The following DAB1 variants were observed in gnomAD, a reference collection of about 807,000 sequenced individuals.
DAB1 encodes disabled homolog 1.
A neutral mutation model predicts 64.6 loss-of-function variants in DAB1; 15 were observed. That is an observed-to-expected ratio of 0.23 (90% CI 0.16 to 0.36). DAB1 has a LOEUF of 0.36. DAB1 is among the 10% of genes least tolerant of loss of function. The pLI, the probability that DAB1 is intolerant of heterozygous loss-of-function variation, is 1.00. For synonymous variants in DAB1, 235 were observed against 251.9 expected, an observed-to-expected ratio of 0.93 and a Z score of 0.64; for missense variants, 596 against 706.7, an observed-to-expected ratio of 0.84 and a Z score of 1.78.
At chr1:57,157,199 G>C (rs1660306569) in intron 2 of DAB1, among the ~76,000 whole-genome samples, 1 of 152,086 alleles carries the variant, frequency 6.6e-6, no homozygotes. Flanking sequence ...GCACAGCCAA[G>C]ATAAGTATTT....
At chr1:57,205,161 T>C (rs1354270409) in intron 2 of DAB1, among the ~76,000 whole-genome samples, 1 of 152,188 alleles carries the variant, frequency 6.6e-6, no homozygotes, top group Non-Finnish European at 1.5e-5. Flanking sequence ...GGCCCATCTG[T>C]ACCCAACACA....
rs58167700 is a variant in DAB1 at position 57,606,376 on chromosome 1, C to CTATATATATATATA, written n.625+43202_625+43215dup. 2.3e-3 allele frequency among the ~76,000 whole-genome samples: 266 copies of CTATATATATATATA among 117,920 alleles called. 4 individuals carry two copies. The highest frequency in any genetic ancestry group is 7.6e-3 in the African/African-American group (241 of 31,524). 77.4% of individuals were successfully genotyped at this position (117,920 alleles called of 152,430 possible). On this transcript the variant is annotated intron_variant and non_coding_transcript_variant, in intron 7 of 20. Coordinates refer to the DAB1 transcript ENST00000485760. ...CTTCAGTCAGTCATCCATTCTAATC[C>CTATATATATATATA]TATATATATATATATACACATTATA...
chr1:58,042,752 AG>A, intron 5 of DAB1, among the ~76,000 whole-genome samples: 1 of 152,364 alleles, frequency 6.6e-6, no homozygotes, highest in African/African-American at 2.4e-5. Flanking sequence ...AGTTCAAGGC[AG>A]GGAGTACTGA....
At chr1:57,682,120 G>T (rs887458606) in intron 6 of DAB1, among the ~76,000 whole-genome samples, 1 of 151,844 alleles carries the variant, frequency 6.6e-6, no homozygotes, top group Non-Finnish European at 1.5e-5. Flanking sequence ...TTGCCACAAA[G>T]GTGTAAACAT....
At chr1:57,446,695 T>A (rs75063049) in intron 7 of DAB1, among the ~76,000 whole-genome samples, 239 of 152,288 alleles carry the variant, frequency 1.6e-3, no homozygotes, top group East Asian at 6.6e-3. Flanking sequence ...ATTCTTTTTT[T>A]AAAAATTTAT....
chr1:57,701,030 C>T (rs962125012), intron 6 of DAB1, among the ~76,000 whole-genome samples: 6 of 151,990 alleles, frequency 3.9e-5, no homozygotes, highest in Admixed American at 6.6e-5. Flanking sequence ...GTTAGAATGG[C>T]GATCATTAAA....
intron 4 of DAB1, among the ~76,000 whole-genome samples, chr1:58,276,450 C>T (rs909947404): frequency 1.3e-5 from 2 of 152,080 alleles, no homozygotes; most frequent in Non-Finnish European, 2.9e-5. Context: ...GGGAAATCTA[C>T]GCAAAGAAAA....
intron 2 of DAB1, among the ~76,000 whole-genome samples, chr1:57,231,936 G>T (rs1051935140): frequency 6.6e-6 from 1 of 152,040 alleles, no homozygotes; most frequent in African/African-American, 2.4e-5. Context: ...CTATCTTTTT[G>T]CTGCTTCCCC....
intron 4 of DAB1, among the ~76,000 whole-genome samples, chr1:57,122,936 G>C (rs1018229648): frequency 1.6e-4 from 25 of 152,158 alleles, no homozygotes; most frequent in Middle Eastern, 6.8e-3. Flanking sequence ...TCTCCAAAGA[G>C]CGCCTGAGTC....
chr1:57,435,745 G>T (rs1466781005), intron 7 of DAB1, among the ~76,000 whole-genome samples: 1 of 152,000 alleles, frequency 6.6e-6, no homozygotes, highest in East Asian at 1.9e-4. Context: ...CTCTTGAAGG[G>T]CCTGCCTAAG....
intron 4 of DAB1, among the ~76,000 whole-genome samples, chr1:57,118,862 CAAGTT>C (rs147323477): frequency 0.029 from 4,425 of 152,134 alleles, 213 homozygotes; most frequent in African/African-American, 0.099. Flanking sequence ...GGGGTACAGA[CAAGTT>C]AAGTAATATG....
intron 2 of DAB1, among the ~76,000 whole-genome samples, chr1:57,171,803 C>T (rs1443331776): frequency 6.6e-6 from 1 of 152,134 alleles, no homozygotes; most frequent in East Asian, 1.9e-4. Context: ...TTAAAGGAAA[C>T]AAGAAGGAGT....
At chr1:58,333,697 G>A (rs911329109) in intron 4 of DAB1, among the ~76,000 whole-genome samples, 17 of 152,184 alleles carry the variant, frequency 1.1e-4, no homozygotes, top group African/African-American at 4.1e-4. Context: ...ATAACAGCTG[G>A]TTTTCACATA....
intron 1 of DAB1, among the ~76,000 whole-genome samples, chr1:57,355,945 T>G (rs1245024172): frequency 2.0e-5 from 3 of 151,508 alleles, no homozygotes; most frequent in African/African-American, 7.3e-5. Context: ...CATGCTATTT[T>G]AAATTGCAAC....
At chr1:57,778,195 G>A (rs1649905329) in intron 6 of DAB1, among the ~76,000 whole-genome samples, 1 of 151,976 alleles carries the variant, frequency 6.6e-6, no homozygotes, top group African/African-American at 2.4e-5. Context: ...GGCATATCAT[G>A]ATATACACAT....
intron 6 of DAB1, among the ~76,000 whole-genome samples, chr1:57,734,111 TA>T (rs981950987): frequency 1.3e-3 from 197 of 147,106 alleles, no homozygotes; most frequent in Non-Finnish European, 2.3e-3. Flanking sequence ...GAGGCGTGGA[TA>T]AAAAAAAAAA....
At chr1:57,377,511 A>C (rs554190352) in intron 1 of DAB1, among the ~76,000 whole-genome samples, 1 of 152,298 alleles carries the variant, frequency 6.6e-6, no homozygotes, top group East Asian at 1.9e-4. Context: ...AAACATTGAG[A>C]ATCATAGGCA....
intron 5 of DAB1, among the ~76,000 whole-genome samples, chr1:58,030,067 G>A (rs1268312527): frequency 6.6e-6 from 1 of 152,042 alleles, no homozygotes; most frequent in African/African-American, 2.4e-5. Context: ...TTAGCCAGGT[G>A]TTGTGGCAGG....
At chr1:58,540,385 T>C (rs1175570419) in intron 1 of DAB1, among the ~76,000 whole-genome samples, 1 of 151,868 alleles carries the variant, frequency 6.6e-6, no homozygotes, top group Non-Finnish European at 1.5e-5. Context: ...CAGCAAGATA[T>C]GTGATCCACA....
Sources: allele counts gnomAD v4.1 joint callset (sites outside exome capture counted in the v4.1 genomes callset), GRCh38; gene constraint gnomAD v4.1.1; transcripts MANE v1.5; gene names NCBI Gene and HGNC (gene_info 2026-07-23, HGNC 2026-07-21).